XDH: variants seen among roughly 807,000 people sequenced by gnomAD.
XDH encodes the protein xanthine dehydrogenase/oxidase.
In XDH, 138 loss-of-function variants were observed where a neutral mutation model predicts 156.1. The observed-to-expected ratio is 0.88, with a 90% CI of 0.77 to 1.02. The LOEUF is 1.02. Among genes scored for constraint, XDH ranks in the 50% least tolerant of loss-of-function variants. The pLI is 0.00. For missense variants in XDH, 1,849 were observed against 1,684.9 expected (o/e 1.10, Z -1.71); for synonymous variants, 669 against 625.7 (o/e 1.07, Z -1.03).
At chr2:31,386,701 T>G in intron 8 of XDH, 146 bp from the exon 9 acceptor site, 1 of 1,120,694 alleles carries the variant, frequency 8.9e-7, no homozygotes, top group Non-Finnish European at 1.3e-6. Context: ...AGTAATATGT[T>G]CAGAGGCAGG....
Position 31,364,151 on chromosome 2 carries a change from T to C in XDH, c.2631+7A>G. 1 of 1,613,800 alleles carries C rather than the reference T, an allele frequency of 6.2e-7. No individual in the cohort carries two copies. The highest frequency in any genetic ancestry group is 8.5e-7 in the Non-Finnish European group (1 of 1,179,990). On this transcript the variant is annotated splice_region_variant and intron_variant, in intron 24 of 35. Coordinates refer to ENST00000379416, the MANE Select transcript of XDH (RefSeq NM_000379.4). ...TGGGTGCAGGGGCGGCTGCAGGTCC[T>C]ACTCACACTCTGAGAGAGATCCTGG...
At chr2:31,381,125 A>C (rs1012069245) in intron 12 of XDH, among the ~76,000 whole-genome samples, 1 of 151,940 alleles carries the variant, frequency 6.6e-6, no homozygotes, top group Non-Finnish European at 1.5e-5. Context: ...CCTCTCAAGG[A>C]ACTGGGACTA....
Position 31,342,110 on chromosome 2 carries a change from A to G in XDH, c.3519+73T>C, listed in dbSNP as rs1278641166. 6 of 1,343,248 alleles carry G rather than the reference A, an allele frequency of 4.5e-6. No homozygotes were observed. The African/African-American group carries it at 8.6e-5, about 19-fold the overall frequency. 83.2% of individuals were successfully genotyped at this position (1,343,248 alleles called of 1,614,324 possible). Reference sequence around the variant, plus strand: ...TCCAACCAGAAATCTTGTCTCTATCAGCTCTAGGTATTACAACTCAGTTGT... The same window carrying G: ...TCCAACCAGAAATCTTGTCTCTATCGGCTCTAGGTATTACAACTCAGTTGT... On this transcript the variant is annotated intron_variant, in intron 32 of 35. Coordinates refer to ENST00000379416, the MANE Select transcript of XDH (RefSeq NM_000379.4).
Position 31,383,108 on chromosome 2 carries a change from T to G in XDH, c.931A>C (p.Thr311Pro). 1 of 1,614,066 alleles carries G rather than the reference T, an allele frequency of 6.2e-7. No homozygotes were observed. Among genetic ancestry groups the G allele is most frequent in the Non-Finnish European group, 8.5e-7 (1 of 1,180,008 alleles). Residue 311 changes from threonine to proline, a missense_variant, in exon 11 of 36, where the codon ACC becomes CCC. Transcript: ENST00000379416. ...AACPLSIVEK[T>P]LVDAVAKLPA... Reference sequence around the variant, plus strand: ...AGCTTAGCAACAGCATCCACCAGGGTTTTTTCCACAATGCTCAGGGGGCAA... The same window carrying G: ...AGCTTAGCAACAGCATCCACCAGGGGTTTTTCCACAATGCTCAGGGGGCAA...
chr2:31,347,983 G>A (rs1462066770), intron 28 of XDH, among the ~76,000 whole-genome samples: 1 of 152,190 alleles, frequency 6.6e-6, no homozygotes, highest in Non-Finnish European at 1.5e-5. Context: ...GAGGAGTCTT[G>A]GAATGTGGGA....
intron 18 of XDH, among the ~76,000 whole-genome samples, chr2:31,368,903 C>T (rs937347102): frequency 6.6e-6 from 1 of 152,236 alleles, no homozygotes; most frequent in African/African-American, 2.4e-5. Context: ...TATTGAGAAG[C>T]TGAACCAGAT....
intron 9 of XDH, among the ~76,000 whole-genome samples, chr2:31,385,299 G>C (rs1256072236): frequency 6.6e-6 from 1 of 152,208 alleles, no homozygotes; most frequent in Non-Finnish European, 1.5e-5. Context: ...TGGCCATCAA[G>C]ATCACATTTC....
intron 20 of XDH, 119 bp downstream of exon 20, chr2:31,367,842 T>A (rs1404480300): frequency 1.0e-6 from 1 of 988,940 alleles, no homozygotes; most frequent in Non-Finnish European, 1.6e-6. Context: ...TAAGAGGGAA[T>A]CTTCTGTCAG....
chr2:31,391,741 T>C (rs1238299945), intron 6 of XDH, among the ~76,000 whole-genome samples: 1 of 152,232 alleles, frequency 6.6e-6, no homozygotes, highest in Non-Finnish European at 1.5e-5. Context: ...GTATTACATT[T>C]GTTGGAGAGT....
chr2:31,407,023 C>T (rs1360339157), intron 1 of XDH, among the ~76,000 whole-genome samples: 1 of 152,142 alleles, frequency 6.6e-6, no homozygotes, highest in African/African-American at 2.4e-5. Context: ...GTACTCTTCA[C>T]ACATTACCAA....
intron 30 of XDH, among the ~76,000 whole-genome samples, chr2:31,345,325 T>C (rs1054508888): frequency 2.6e-5 from 4 of 152,342 alleles, no homozygotes; most frequent in African/African-American, 9.6e-5. Flanking sequence ...GCTATAGCGC[T>C]CATGTGGTAC....
chr2:31,381,706 G>A lies in XDH; in HGVS notation c.1059C>T (p.Ile353=). 1 of 1,613,828 alleles carries A rather than the reference G, an allele frequency of 6.2e-7. No homozygotes were observed. Among genetic ancestry groups the A allele is most frequent in the Non-Finnish European group, 8.5e-7 (1 of 1,179,922 alleles). Reference sequence around the variant, plus strand: ...TGAGGTCGGAGATGGGGCTGGCAGTGATGATGTTCCCTCCAACGGACTAAA... The same window carrying A: ...TGAGGTCGGAGATGGGGCTGGCAGTAATGATGTTCCCTCCAACGGACTAAA... The part of the protein sequence containing the change: ...KSVASVGGNI[I]TASPISDLNP... The change falls in exon 12 of 36, where the codon ATC becomes ATT. Residue 353 remains isoleucine (I), a synonymous_variant. Coordinates refer to ENST00000379416, the MANE Select transcript of XDH (RefSeq NM_000379.4).
chr2:31,383,819 C>A lies in XDH; in HGVS notation c.822G>T (p.Leu274=). ...IGIEMKFKNM[L]FPMIVCPAWI... ...AGGCTGGGCAGACAATCATAGGAAA[C>A]AGCATATTCTTGAACTTCATCTCAA... Residue 274 remains leucine (L), a synonymous_variant, in exon 10 of 36, where the codon CTG becomes CTT. Coordinates refer to ENST00000379416, the MANE Select transcript of XDH (RefSeq NM_000379.4). 1 of 1,614,132 alleles carries A rather than the reference C, an allele frequency of 6.2e-7. No individual in the cohort carries two copies. The highest frequency in any genetic ancestry group is 8.5e-7 in the Non-Finnish European group (1 of 1,180,028).
chr2:31,411,364 G>A (rs1449525267), intron 1 of XDH, among the ~76,000 whole-genome samples: 1 of 151,316 alleles, frequency 6.6e-6, no homozygotes, highest in Non-Finnish European at 1.5e-5. Context: ...CTGTCAAAAG[G>A]TTCAGAAATC....
chr2:31,406,487 T>C (rs374418597), intron 1 of XDH, among the ~76,000 whole-genome samples: 1 of 152,202 alleles, frequency 6.6e-6, no homozygotes, highest in Non-Finnish European at 1.5e-5. Flanking sequence ...ATGTGCTAAA[T>C]AGATCATGAA....
chr2:31,374,329 T>C (rs1171309941), intron 15 of XDH, among the ~76,000 whole-genome samples: 2 of 152,236 alleles, frequency 1.3e-5, no homozygotes, highest in Admixed American at 6.5e-5. Context: ...ATGGAAAATG[T>C]TCACAATATA....
Position 31,346,840 on chromosome 2 carries a change from C to G in XDH, c.3280G>C (p.Ala1094Pro). 6.2e-7 allele frequency: 1 copy of G among 1,614,052 alleles called. No homozygotes were observed. The highest frequency in any genetic ancestry group is 8.5e-7 in the Non-Finnish European group (1 of 1,180,016). ...ADLNGQAVYA[A>P]CQTILKRLEP... ...AGCCTTTTCAAGATGGTCTGACAAG[C>G]CGCCTAAAGTAAACACCCCCCACAC... The change falls in exon 30 of 36, where the codon GCT becomes CCT. Residue 1094 changes from alanine (A) to proline (P), a missense_variant. Transcript: ENST00000379416.
At chr2:31,382,900 A>C in intron 11 of XDH, 101 bp downstream of exon 11, 3 of 1,566,176 alleles carry the variant, frequency 1.9e-6, no homozygotes, top group Non-Finnish European at 2.6e-6. Context: ...TAAGCGCTAA[A>C]GTTTGAGGCC....
chr2:31,403,114 C>G lies in XDH; in HGVS notation c.131G>C (p.Gly44Ala), dbSNP rs938507515. 15 of 1,614,076 alleles carry G rather than the reference C, an allele frequency of 9.3e-6. No individual in the cohort carries two copies. The highest frequency in any genetic ancestry group is 1.1e-5 in the Non-Finnish European group (13 of 1,180,050). Residue 44 changes from glycine to alanine, a missense_variant, in exon 3 of 36, where the codon GGA (glycine) becomes GCA (alanine). Coordinates refer to ENST00000379416, the MANE Select transcript of XDH (RefSeq NM_000379.4). ...LGLSGTKLGC[G>A]EGGCGACTVM... ...TGTGCAAGCCCCGCAGCCCCCCTCT[C>G]CACAGCCGAGCTTGGTTCCACTCAG... is the stretch of plus-strand genomic sequence containing the variant.
Sources: gnomAD v4.1 joint callset for allele counts (sites outside exome capture counted in the v4.1 genomes callset) on GRCh38, gnomAD v4.1.1 for gene constraint, MANE v1.5 for transcripts, NCBI Gene and HGNC (gene_info 2026-07-23, HGNC 2026-07-21) for gene names.